CLSPN: variants seen among roughly 807,000 people sequenced by gnomAD.
CLSPN encodes claspin homolog.
In CLSPN, 85 loss-of-function variants were observed where a neutral mutation model predicts 156.3. That is an observed-to-expected ratio of 0.54 (90% CI 0.46 to 0.65). The LOEUF (loss-of-function observed/expected upper bound fraction) is 0.65, where lower values mean the gene tolerates loss of function less well. Ranked by LOEUF, CLSPN falls within the 30% of genes least tolerant of loss-of-function variation. CLSPN has a pLI of 0.00. For synonymous variants in CLSPN, 534 were observed against 542.4 expected (o/e 0.98, Z 0.22); for missense variants, 1,407 against 1,554.9 (o/e 0.90, Z 1.60).
At chr1:35,742,018 CATG>C (rs1641711935) in intron 18 of CLSPN, among the ~76,000 whole-genome samples, 1 of 139,476 alleles carries the variant, frequency 7.2e-6, no homozygotes, top group African/African-American at 2.7e-5. Flanking sequence ...CCTGGTGGCT[CATG>C]CCTGTAATCC....
In CLSPN at chr1:35,753,798, A is replaced by G. The variant is rs1642179625; in HGVS notation, c.1718T>C (p.Val573Ala). The G allele has an allele frequency of 3.7e-6, 6 of 1,614,100 alleles. No individual in the cohort carries two copies. Among genetic ancestry groups the G allele is most frequent in the Non-Finnish European group, 4.2e-6 (5 of 1,180,040 alleles). Reference protein sequence around the residue: ...DGKEELKADVVPVTLAPKKLD... With the variant: ...DGKEELKADVAPVTLAPKKLD... ...CTTCTTAGGTGCTAAAGTCACAGGT[A>G]CCACATCTGCTTTTAGCTCTTCCTT... The change falls in exon 9 of 25, where the codon GTA becomes GCA. Residue 573 changes from valine to alanine, a missense_variant. Physicochemically the swap from Val to Ala is moderately conservative, Grantham distance 64 (BLOSUM62 0). Coordinates refer to ENST00000318121, the MANE Select transcript of CLSPN (RefSeq NM_022111.4).
At chr1:35,723,911 A>G (rs934238480) in intron 24 of CLSPN, among the ~76,000 whole-genome samples, 1 of 152,168 alleles carries the variant, frequency 6.6e-6, no homozygotes, top group Non-Finnish European at 1.5e-5. Context: ...GAACTGCTTG[A>G]ACTTGGGAGG....
chr1:35,748,540 A>G lies in CLSPN; in HGVS notation c.2337T>C (p.Ile779=). The change falls in exon 13 of 25, where the codon ATT becomes ATC. Residue 779 remains isoleucine, a synonymous_variant. Coordinates refer to ENST00000318121, the MANE Select transcript of CLSPN (RefSeq NM_022111.4). ...GCTGATAGGATGGAATCGTGGAGCC[A>G]ATCAGCTCAAAGCTGCTATTGTGGC... is the stretch of plus-strand genomic sequence containing the variant. ...ESSHNSSFEL[I]GSTIPSYQPC... The G allele has an allele frequency of 6.2e-7, 1 of 1,614,186 alleles. No individual in the cohort carries two copies. The highest frequency in any genetic ancestry group is 1.7e-5 in the Admixed American group (1 of 60,012).
At position 35,746,689 on chromosome 1, in the gene CLSPN, C is replaced by T. The variant is rs1641891432; in HGVS notation, c.2854+77G>A. 2.0e-6 allele frequency: 2 copies of T among 1,009,754 alleles called. No individual in the cohort carries two copies. Among genetic ancestry groups the T allele is most frequent in the South Asian group, 1.4e-5 (1 of 73,154 alleles). 62.5% of individuals were successfully genotyped at this position (1,009,754 alleles called of 1,614,324 possible). A position where few individuals can be genotyped will look rare whatever the true frequency, so the allele number is the denominator to read the frequency against. ...CTAGGATTACAGGCATGAGCCACCC[C>T]ACCCGCCCAGGGAATTCTTTTCAAG... On this transcript the variant is annotated intron_variant, in intron 15 of 24. Coordinates refer to ENST00000318121, the MANE Select transcript of CLSPN (RefSeq NM_022111.4). This position sits in a 1 kb window ranked among gnomAD's most constrained non-coding sequence, Gnocchi z 4.2.
At chr1:35,725,707 G>T (rs951645172) in intron 24 of CLSPN, among the ~76,000 whole-genome samples, 7 of 152,136 alleles carry the variant, frequency 4.6e-5, no homozygotes, top group Non-Finnish European at 7.3e-5. Flanking sequence ...TCGTGCGGAG[G>T]GGGAGGCCTC....
chr1:35,753,781 G>A lies in CLSPN; in HGVS notation c.1735C>T (p.Pro579Ser). The change falls in exon 9 of 25, where the codon CCT becomes TCT. Residue 579 changes from proline (P) to serine (S), a missense_variant. Pro to Ser is a moderately conservative substitution (Grantham distance 74). Transcript: ENST00000318121. ...TGGCTTGCTCCATCCAACTTCTTAG[G>A]TGCTAAAGTCACAGGTACCACATCT... The part of the protein sequence containing the change: ...KADVVPVTLA[P>S]KKLDGASHTK... The A allele has an allele frequency of 6.2e-7, 1 of 1,614,198 alleles. No homozygotes were observed. The highest frequency in any genetic ancestry group is 1.1e-5 in the South Asian group (1 of 91,088).
In CLSPN at chr1:35,745,537, C is replaced by T. The variant is rs764482708; in HGVS notation, c.2880G>A (p.Glu960=). ...SQDASTPASS[E]LNKQEKESSM... Reference sequence around the variant, plus strand: ...TGCTCTCCTTCTCCTGTTTATTTAACTCTGATGAGGCTGGAGTGGAGGCAT... The same window carrying T: ...TGCTCTCCTTCTCCTGTTTATTTAATTCTGATGAGGCTGGAGTGGAGGCAT... The change falls in exon 16 of 25, where the codon GAG becomes GAA. Residue 960 remains glutamate, a synonymous_variant. Transcript: ENST00000318121. The T allele has an allele frequency of 1.9e-6, 3 of 1,613,834 alleles. No homozygotes were observed. The highest frequency in any genetic ancestry group is 1.1e-5 in the South Asian group (1 of 91,074).
In CLSPN at chr1:35,720,954, C is replaced by T. The variant is rs1308206232; in HGVS notation, c.3936G>A (p.Trp1312Ter). ...GGATAGGAGCTCCACTCCAGGTGAG[C>T]CAGTCAGAGTCCTTCTCTGGGATCT... is the stretch of plus-strand genomic sequence containing the variant. The change falls in exon 25 of 25, where the codon TGG becomes TGA. Residue 1312 changes from tryptophan to a stop codon, truncating the protein, a stop_gained. Transcript: ENST00000251195. LOFTEE classifies it low-confidence loss of function (END_TRUNC). The T allele has an allele frequency of 2.5e-6, 4 of 1,611,356 alleles. No homozygotes were observed. Among genetic ancestry groups the T allele is most frequent in the East Asian group, 2.2e-5 (1 of 44,852 alleles).
At chr1:35,745,053 T>C (rs1016532682) in intron 16 of CLSPN, among the ~76,000 whole-genome samples, 1 of 152,156 alleles carries the variant, frequency 6.6e-6, no homozygotes, top group Admixed American at 6.5e-5. Context: ...CCTCAGATGA[T>C]CCACCGTGCC....
At chr1:35,765,994 C>CTCTCTTT (rs60908491) in intron 1 of CLSPN, among the ~76,000 whole-genome samples, 13 of 106,460 alleles carry the variant, frequency 1.2e-4, no homozygotes, top group East Asian at 3.2e-4. Flanking sequence ...CTCTCTCTCT[C>CTCTCTTT]TTTTTTTTTT....
chr1:35,765,397 A>T, intron 1 of CLSPN, 71 bp from the exon 2 acceptor site: 1 of 993,438 alleles, frequency 1.0e-6, no homozygotes, highest in Non-Finnish European at 1.6e-6. Flanking sequence ...ATGACACACA[A>T]ATCATCGTGG....
chr1:35,745,380 T>C (rs768372704), intron 16 of CLSPN, 71 bp downstream of exon 16: 60 of 1,052,490 alleles, frequency 5.7e-5, no homozygotes, highest in Non-Finnish European at 8.5e-5. Context: ...GCAAAGCCCT[T>C]AAGATGATCA....
rs200200127 is a variant in CLSPN, at chr1:35,762,735, T to TA, written c.745-255dup. On this transcript the variant is annotated intron_variant, in intron 4 of 24. Coordinates refer to ENST00000318121, the MANE Select transcript of CLSPN (RefSeq NM_022111.4). ...AGAGGGATAATAACTCGCAGGAAGCTAAAAAAAAATCTTAGGAAGAAAAAT... is the reference window on the plus strand; with the variant it reads ...AGAGGGATAATAACTCGCAGGAAGCTAAAAAAAAAATCTTAGGAAGAAAAAT... Among the ~76,000 whole-genome samples, 441 of 151,320 alleles carry TA rather than the reference T, an allele frequency of 2.9e-3. 3 individuals carry two copies. The highest frequency in any genetic ancestry group is 0.017 in the Middle Eastern group (5 of 294).
chr1:35,751,067 A>G (rs962080474), intron 10 of CLSPN, among the ~76,000 whole-genome samples, 183 bp downstream of exon 10: 15 of 151,506 alleles, frequency 9.9e-5, no homozygotes, highest in Admixed American at 9.2e-4. Flanking sequence ...TGATCTACAG[A>G]TATTCAGTGG....
At chr1:35,767,291 C>T (rs549577603) in intron 1 of CLSPN, among the ~76,000 whole-genome samples, 3 of 152,174 alleles carry the variant, frequency 2.0e-5, no homozygotes, top group Non-Finnish European at 2.9e-5. Context: ...GTAATAATAT[C>T]GTAGTATCTA....
In CLSPN at chr1:35,739,348, C is replaced by T; in HGVS notation, c.3308+17G>A. ...AGATGTACCCTATTACTCAGAAGGG[C>T]TTATTGGGATACTGACATGTGTATT... On this transcript the variant is annotated intron_variant, in intron 19 of 24. Transcript: ENST00000318121. 6.2e-7 allele frequency: 1 copy of T among 1,613,726 alleles called. No individual in the cohort carries two copies. The highest frequency in any genetic ancestry group is 8.5e-7 in the Non-Finnish European group (1 of 1,179,780).
rs936013752 is a variant in CLSPN at position 35,758,081 on chromosome 1, C to T, written c.1579+2261G>A. On this transcript the variant is annotated intron_variant, in intron 8 of 24. Coordinates refer to ENST00000318121, the MANE Select transcript of CLSPN (RefSeq NM_022111.4). ...CTCCAAAGTCAACCCATTCAATTAA[C>T]AGACTCACTGAGCATATTTTACACA... is the stretch of plus-strand genomic sequence containing the variant. Among the ~76,000 whole-genome samples, 44 of 152,182 alleles carry T rather than the reference C, an allele frequency of 2.9e-4. 1 individual carries two copies. Among genetic ancestry groups the T allele is most frequent in the African/African-American group, 1.0e-3 (43 of 41,442 alleles).
intron 9 of CLSPN, among the ~76,000 whole-genome samples, chr1:35,753,416 T>C (rs977986606): frequency 2.0e-5 from 3 of 151,978 alleles, no homozygotes; most frequent in Non-Finnish European, 2.9e-5. Flanking sequence ...TACATATACA[T>C]ATGTGCAAAG....
chr1:35,764,201 TAAC>T (rs1642587278), intron 3 of CLSPN, 62 bp downstream of exon 3: 2 of 1,018,090 alleles, frequency 2.0e-6, no homozygotes, highest in Non-Finnish European at 1.4e-6. Context: ...CCTCAAGTAC[TAAC>T]AGCAACCTTT....
Sources: gnomAD v4.1 joint callset for allele counts (sites outside exome capture counted in the v4.1 genomes callset) on GRCh38, gnomAD v4.1.1 for gene constraint, Gnocchi (gnomAD v3.1) non-coding constraint, MANE v1.5 for transcripts, NCBI Gene and HGNC (gene_info 2026-07-23, HGNC 2026-07-21) for gene names.